Variants in SLC13A5 observed in about 807,000 individuals in gnomAD.
The protein encoded by SLC13A5 is solute carrier family 13 member 5, also known as Na(+)/citrate cotransporter.
A neutral mutation model predicts 56.5 loss-of-function variants in SLC13A5; 25 were observed. The ratio of observed to expected loss-of-function variants is 0.44; its 90% CI spans 0.32 to 0.62. The LOEUF is 0.62. Among genes scored for constraint, SLC13A5 ranks in the 20% least tolerant of loss-of-function variants. The pLI is 0.04. For synonymous variants in SLC13A5, 307 were observed against 301.5 expected (o/e 1.02, Z -0.19); for missense variants, 649 against 737.8 (o/e 0.88, Z 1.39).
At chr17:6,709,503 C>T (rs1160056978) in intron 1 of SLC13A5, among the ~76,000 whole-genome samples, 1 of 151,992 alleles carries the variant, frequency 6.6e-6, no homozygotes, top group African/African-American at 2.4e-5. Flanking sequence ...CTCCTGGCCT[C>T]GTGATCCACC....
At chr17:6,712,415 C>A (rs1047964708) in intron 1 of SLC13A5, among the ~76,000 whole-genome samples, 6 of 152,238 alleles carry the variant, frequency 3.9e-5, no homozygotes, top group African/African-American at 1.4e-4. Context: ...GTGGAGCCTG[C>A]GCCCACCCTG....
intron 2 of SLC13A5, 93 bp downstream of exon 2, chr17:6,706,935 G>A (rs368540919): frequency 2.5e-6 from 4 of 1,568,904 alleles, no homozygotes; most frequent in African/African-American, 1.4e-5. Context: ...GGGTTTTCCG[G>A]TCACCCCCAG....
intron 3 of SLC13A5, chr17:6,704,391 A>C: frequency 9.0e-6 from 4 of 443,096 alleles, no homozygotes; most frequent in Middle Eastern, 3.3e-4. Context: ...AAGCCCAGGC[A>C]TCCAGATGGT....
chr17:6,704,160 G>T, intron 3 of SLC13A5, 104 bp from the exon 4 acceptor site: 1 of 1,227,284 alleles, frequency 8.1e-7, no homozygotes, highest in Non-Finnish European at 1.2e-6. Context: ...GGATGCACAG[G>T]TGTTGAGGCC....
Position 6,686,421 on chromosome 17 carries a change from G to A in SLC13A5, c.1576-83C>T, listed in dbSNP as rs1008419097. ...AGGAGGACAAAGGGTCGGCTCACTGGGCCTCGATGTCCCTGTGCCATGCTC... is the reference window on the plus strand; with the variant it reads ...AGGAGGACAAAGGGTCGGCTCACTGAGCCTCGATGTCCCTGTGCCATGCTC... On this transcript the variant is annotated intron_variant, in intron 11 of 11. Transcript: ENST00000433363. 1.4e-5 allele frequency: 22 copies of A among 1,562,898 alleles called. No homozygotes were observed. In the African/African-American group the frequency reaches 2.6e-4, roughly 18 times the overall value.
intron 5 of SLC13A5, among the ~76,000 whole-genome samples, chr17:6,702,756 C>G (rs1328935651): frequency 6.6e-6 from 1 of 151,904 alleles, no homozygotes; most frequent in Non-Finnish European, 1.5e-5. Context: ...GACATCAGCT[C>G]CCTATCCTCT....
Position 6,711,585 on chromosome 17 carries a change from T to C in SLC13A5, c.102+1647A>G, listed in dbSNP as rs979635840. ...GTGTGTTTGTGTGTCTGTGTTTGTGTGTTTGGGTGTGTGTTTGTGCGTGTG... is the reference window on the plus strand; with the variant it reads ...GTGTGTTTGTGTGTCTGTGTTTGTGCGTTTGGGTGTGTGTTTGTGCGTGTG... On this transcript the variant is annotated intron_variant, in intron 1 of 11. Coordinates refer to ENST00000433363, the MANE Select transcript of SLC13A5 (RefSeq NM_177550.5). The surrounding 1 kb of genome is among the most constrained non-coding windows in gnomAD (Gnocchi z 4.0). Among the ~76,000 whole-genome samples the C allele has an allele frequency of 4.0e-5, 6 of 151,300 alleles. No individual in the cohort carries two copies. Among genetic ancestry groups the C allele is most frequent in the Non-Finnish European group, 8.9e-5 (6 of 67,778 alleles).
In SLC13A5 at chr17:6,701,938, C is replaced by T. The variant is rs904625736; in HGVS notation, c.717-812G>A. ...CCCGGGGCTCTGCTAGCCCCAGGGG[C>T]GCCCCCTTTAGCTCAAGAGTGTCAA... On this transcript the variant is annotated intron_variant, in intron 5 of 11. Transcript: ENST00000433363. This position sits in a 1 kb window ranked among gnomAD's most constrained non-coding sequence, Gnocchi z 4.1. 6.6e-6 allele frequency among the ~76,000 whole-genome samples: 1 copy of T among 152,272 alleles called. No homozygotes were observed. The highest frequency in any genetic ancestry group is 1.9e-4 in the East Asian group (1 of 5,156).
rs1973713798 is a variant in SLC13A5 at position 6,701,565 on chromosome 17, C to T, written c.717-439G>A. Among the ~76,000 whole-genome samples, 1 of 152,148 alleles carries T rather than the reference C, an allele frequency of 6.6e-6. No homozygotes were observed. The highest frequency in any genetic ancestry group is 1.5e-5 in the Non-Finnish European group (1 of 68,028). ...TCTCCACTAAAAATACAAAAATTAACCAGGCATGGTGGCGGGCGCCTGTAA... is the reference window on the plus strand; with the variant it reads ...TCTCCACTAAAAATACAAAAATTAATCAGGCATGGTGGCGGGCGCCTGTAA... On this transcript the variant is annotated intron_variant, in intron 5 of 11. Coordinates refer to ENST00000433363, the MANE Select transcript of SLC13A5 (RefSeq NM_177550.5). This position sits in a 1 kb window ranked among gnomAD's most constrained non-coding sequence, Gnocchi z 4.1.
intron 11 of SLC13A5, 134 bp from the exon 12 acceptor site, chr17:6,686,472 C>T: frequency 8.8e-7 from 1 of 1,134,164 alleles, no homozygotes; most frequent in Non-Finnish European, 1.3e-6. Context: ...TGTCCCGACC[C>T]CCAGGACAGT....
At chr17:6,696,675 A>G (rs1973570444) in intron 6 of SLC13A5, among the ~76,000 whole-genome samples, 1 of 152,106 alleles carries the variant, frequency 6.6e-6, no homozygotes, top group African/African-American at 2.4e-5. Flanking sequence ...GAGGGGGGAT[A>G]ACTGGGGCCA....
intron 5 of SLC13A5, 133 bp downstream of exon 5, chr17:6,702,837 G>T: frequency 8.9e-7 from 1 of 1,120,194 alleles, no homozygotes; most frequent in Non-Finnish European, 1.3e-6. Context: ...TTCCACCCCT[G>T]CCAGGCTCCC....
chr17:6,706,375 AG>A (rs1973862881), intron 3 of SLC13A5, among the ~76,000 whole-genome samples: 1 of 152,244 alleles, frequency 6.6e-6, no homozygotes, highest in South Asian at 2.1e-4. Flanking sequence ...TGCCTCCCCC[AG>A]AAAGCCTTCC....
intron 4 of SLC13A5, 78 bp downstream of exon 4, chr17:6,703,799 GA>G (rs1298665154): frequency 1.3e-5 from 19 of 1,416,142 alleles, no homozygotes; most frequent in Non-Finnish European, 1.8e-5. Flanking sequence ...CAGGGAGAAG[GA>G]GGTGGCCAAA....
chr17:6,708,480 G>A (rs1005344734), intron 1 of SLC13A5, among the ~76,000 whole-genome samples: 3 of 152,200 alleles, frequency 2.0e-5, no homozygotes, highest in Admixed American at 1.3e-4. Flanking sequence ...ATTGCAATGC[G>A]TAAGCGAAAC....
rs1230045010 is a variant in SLC13A5, at chr17:6,704,075, G to C, written c.369-19C>G. 20 of 1,602,910 alleles carry C rather than the reference G, an allele frequency of 1.2e-5. No individual in the cohort carries two copies. The highest frequency in any genetic ancestry group is 1.7e-5 in the Non-Finnish European group (20 of 1,175,602). The stretch of plus-strand genomic sequence containing the variant: ...CATCAGCCTGCAGAGGAGGGGCAGG[G>C]AGGAAAGCCAGAGAATCCCCACCCC... On this transcript the variant is annotated intron_variant, in intron 3 of 11. Coordinates refer to ENST00000433363, the MANE Select transcript of SLC13A5 (RefSeq NM_177550.5).
chr17:6,686,487 C>G, intron 11 of SLC13A5, 149 bp from the exon 12 acceptor site: 1 of 889,556 alleles, frequency 1.1e-6, no homozygotes, highest in Non-Finnish European at 1.7e-6. Flanking sequence ...GACAGTGCGA[C>G]TTCATGTCCC....
In SLC13A5 at chr17:6,685,859, C is replaced by G; in HGVS notation, c.*348G>C. 3.5e-6 allele frequency: 1 copy of G among 289,302 alleles called. No individual in the cohort carries two copies. Among genetic ancestry groups the G allele is most frequent in the Admixed American group, 4.2e-5 (1 of 23,672 alleles). 17.9% of individuals were successfully genotyped at this position (289,302 alleles called of 1,614,324 possible). On this transcript the variant is annotated 3_prime_UTR_variant, in exon 12 of 12. Coordinates refer to ENST00000433363, the MANE Select transcript of SLC13A5 (RefSeq NM_177550.5). The surrounding 1 kb of genome is among the most constrained non-coding windows in gnomAD (Gnocchi z 4.2). ...TATCTAGGACGAAGCGAGTGAAAAC[C>G]AGAGCCCTGTGTGGGGGATGCTTGA...
rs536243612 is a variant in SLC13A5 at position 6,701,998 on chromosome 17, G to A, written c.717-872C>T. 2.6e-5 allele frequency among the ~76,000 whole-genome samples: 4 copies of A among 152,242 alleles called. No homozygotes were observed. Among genetic ancestry groups the A allele is most frequent in the South Asian group, 2.1e-4 (1 of 4,808 alleles). ...AGAGCTTTCCCCACTCAGCCCAGAC[G>A]GGCTGCTCTTCCCAAAGAAAGTTAC... On this transcript the variant is annotated intron_variant, in intron 5 of 11. Coordinates refer to ENST00000433363, the MANE Select transcript of SLC13A5 (RefSeq NM_177550.5). This position sits in a 1 kb window ranked among gnomAD's most constrained non-coding sequence, Gnocchi z 4.1.
Sources: allele counts gnomAD v4.1 joint callset (sites outside exome capture counted in the v4.1 genomes callset), GRCh38; gene constraint gnomAD v4.1.1; non-coding constraint Gnocchi (gnomAD v3.1); transcripts MANE v1.5; gene names NCBI Gene and HGNC (gene_info 2026-07-23, HGNC 2026-07-21).